Variants in CDH2 observed in about 807,000 individuals in gnomAD.
CDH2 encodes the protein cadherin-2.
In CDH2, 17 loss-of-function variants were observed where a neutral mutation model predicts 92.0. The ratio of observed to expected loss-of-function variants is 0.18; its 90% confidence interval spans 0.13 to 0.28. CDH2 has a LOEUF of 0.28. Ranked by LOEUF, CDH2 falls within the 10% of genes least tolerant of loss-of-function variation. The probability of loss-of-function intolerance (pLI) is 1.00; values close to 1 mark genes in which losing one functional copy is unlikely to be tolerated. For missense variants in CDH2, 862 were observed against 1,133.1 expected (o/e 0.76, Z 3.44); for synonymous variants, 419 against 415.9 (o/e 1.01, Z -0.09).
chr18:28,023,608 C>T (rs1332051773), intron 2 of CDH2, among the ~76,000 whole-genome samples: 1 of 152,060 alleles, frequency 6.6e-6, no homozygotes, highest in Non-Finnish European at 1.5e-5. Flanking sequence ...TACAGACCAA[C>T]TGCACCTGGC....
chr18:28,079,397 G>C (rs965042302), intron 2 of CDH2, among the ~76,000 whole-genome samples: 1 of 152,160 alleles, frequency 6.6e-6, no homozygotes, highest in East Asian at 1.9e-4. Flanking sequence ...GTGGGTCTTA[G>C]TCCTGTCTAT....
chr18:28,066,296 A>G (rs2014505499), intron 2 of CDH2, among the ~76,000 whole-genome samples: 1 of 152,198 alleles, frequency 6.6e-6, no homozygotes, highest in African/African-American at 2.4e-5. Context: ...TAAACTTCAA[A>G]ATGCAAATAT....
intron 2 of CDH2, among the ~76,000 whole-genome samples, chr18:28,035,254 A>G (rs2013798026): frequency 6.6e-6 from 1 of 152,010 alleles, no homozygotes; most frequent in Non-Finnish European, 1.5e-5. Flanking sequence ...TTCCACTCCA[A>G]GTTTTGGTTT....
rs187640460 is a variant in CDH2, at chr18:27,933,081, C to T, written c.*11G>A. On this transcript the variant is annotated 3_prime_UTR_variant, in exon 7 of 7. Transcript: ENST00000675173. ...TGCATTGCTGAGATCATGGTGCCCA[C>T]GAAGCCAAGGTCATAGGTGTAAGCT... Among the ~76,000 whole-genome samples the T allele has an allele frequency of 2.2e-3, 339 of 152,104 alleles. 1 individual carries two copies. The highest frequency in any genetic ancestry group is 7.7e-3 in the African/African-American group (321 of 41,484).
intron 3 of CDH2, among the ~76,000 whole-genome samples, chr18:28,012,458 C>A (rs1189101892): frequency 2.0e-5 from 3 of 152,138 alleles, no homozygotes; most frequent in Non-Finnish European, 2.9e-5. Flanking sequence ...CCTATTATAT[C>A]CCACAGAATT....
At chr18:27,959,751 C>T (rs571144130) in intron 15 of CDH2, among the ~76,000 whole-genome samples, 48 of 152,286 alleles carry the variant, frequency 3.2e-4, no homozygotes, top group Non-Finnish European at 6.0e-4. Context: ...TTCTATTATA[C>T]CTACCTCCTT....
rs2013160687 is a variant in CDH2 at position 28,013,694 on chromosome 18, C to T, written c.388G>A (p.Glu130Lys). ...TTCGGATACTATACCTTCACTGACTCCTCAGTTAAGGTTGGCTTCAGGCTC... is the reference window on the plus strand; with the variant it reads ...TTCGGATACTATACCTTCACTGACTTCTCAGTTAAGGTTGGCTTCAGGCTC... ...KLSLKPTLTE[E>K]SVKESAEVEE... Residue 130 changes from glutamate to lysine, a missense_variant, in exon 3 of 16, where the codon GAG (glutamate) becomes AAG (lysine). Around this residue, in one of 5 missense-constraint regions of CDH2, gnomAD observed 159 missense variants for 177.2 expected, o/e 0.90. Coordinates refer to ENST00000269141, the MANE Select transcript of CDH2 (RefSeq NM_001792.5). 6.2e-7 allele frequency: 1 copy of T among 1,610,572 alleles called. No individual in the cohort carries two copies.
intron 14 of CDH2, among the ~76,000 whole-genome samples, chr18:27,966,679 T>TA (rs2011541598): frequency 6.6e-6 from 1 of 152,224 alleles, no homozygotes; most frequent in African/African-American, 2.4e-5. Context: ...AAGGAAAGGA[T>TA]AGCCTCCTAA....
chr18:28,122,483 A>T (rs535546276), intron 2 of CDH2, among the ~76,000 whole-genome samples: 1 of 152,292 alleles, frequency 6.6e-6, no homozygotes, highest in African/African-American at 2.4e-5. Flanking sequence ...CTATTAGCAA[A>T]GTCAACATAA....
chr18:28,080,381 A>T (rs1322355242), intron 2 of CDH2, among the ~76,000 whole-genome samples: 1 of 152,212 alleles, frequency 6.6e-6, no homozygotes, highest in East Asian at 1.9e-4. Context: ...TTCCACAGAA[A>T]TTATGTTAAA....
intron 6 of CDH2, among the ~76,000 whole-genome samples, chr18:27,943,562 T>A (rs985979966): frequency 3.3e-5 from 5 of 152,300 alleles, no homozygotes; most frequent in African/African-American, 9.6e-5. Flanking sequence ...ATCTTAGAAT[T>A]GTTAAAATGT....
intron 2 of CDH2, among the ~76,000 whole-genome samples, chr18:28,087,613 C>A (rs2014958013): frequency 6.6e-6 from 1 of 152,032 alleles, no homozygotes; most frequent in Non-Finnish European, 1.5e-5. Flanking sequence ...ACCCTTGTCT[C>A]CACACTTCAA....
intron 2 of CDH2, among the ~76,000 whole-genome samples, chr18:28,070,220 T>C (rs2014590002): frequency 2.0e-5 from 3 of 152,170 alleles, no homozygotes; most frequent in South Asian, 2.1e-4. Flanking sequence ...AAAAGTTGCA[T>C]AGAAAGTATA....
At chr18:28,084,656 G>C (rs565650551) in intron 2 of CDH2, among the ~76,000 whole-genome samples, 1 of 151,890 alleles carries the variant, frequency 6.6e-6, no homozygotes, top group South Asian at 2.1e-4. Flanking sequence ...TTATGGGCCA[G>C]CTAAACAACT....
At chr18:28,009,111 A>G (rs1171854230) in intron 5 of CDH2, among the ~76,000 whole-genome samples, 1 of 152,192 alleles carries the variant, frequency 6.6e-6, no homozygotes, top group Non-Finnish European at 1.5e-5. Flanking sequence ...GCCTTTATCA[A>G]CATCTCTGGA....
intron 2 of CDH2, among the ~76,000 whole-genome samples, chr18:28,046,401 T>C (rs1286391523): frequency 1.3e-5 from 2 of 152,196 alleles, no homozygotes; most frequent in Non-Finnish European, 2.9e-5. Flanking sequence ...TTTAAAAATG[T>C]TGATAGTTAT....
chr18:28,011,954 T>C lies in CDH2; in HGVS notation c.438A>G (p.Gln146=). ...AEVEEIVFPR[Q]FSKHSGHLQR... ...GTAGGTGGCCACTGTGCTTACTGAA[T>C]TGTCTTGGGAACACTATTTCTTCAA... is the stretch of plus-strand genomic sequence containing the variant. Residue 146 remains glutamine (Q), a synonymous_variant, in exon 4 of 16, where the codon CAA becomes CAG. Coordinates refer to ENST00000269141, the MANE Select transcript of CDH2 (RefSeq NM_001792.5). 1.2e-6 allele frequency: 2 copies of C among 1,613,984 alleles called. No homozygotes were observed. Among genetic ancestry groups the C allele is most frequent in the Non-Finnish European group, 1.7e-6 (2 of 1,179,902 alleles).
intron 2 of CDH2, among the ~76,000 whole-genome samples, chr18:28,082,451 A>C (rs1301344973): frequency 3.3e-5 from 5 of 152,152 alleles, no homozygotes; most frequent in Non-Finnish European, 7.4e-5. Context: ...GCATGGATAC[A>C]TTCCTTCACT....
Position 28,177,093 on chromosome 18 carries a change from A to G in CDH2, c.-71T>C. ...GCGGCGGCGGCGGCGGAGGAGGAGG[A>G]GGCAGCGGCAGCACCAACAGCGGCG... is the stretch of plus-strand genomic sequence containing the variant. On this transcript the variant is annotated 5_prime_UTR_variant, in exon 1 of 16. Transcript: ENST00000269141. The G allele has an allele frequency of 1.7e-6, 2 of 1,143,480 alleles. No homozygotes were observed. Among genetic ancestry groups the G allele is most frequent in the Non-Finnish European group, 2.4e-6 (2 of 823,262 alleles). The allele number at this position is 1,143,480 out of a possible 1,614,324, so 70.8% of individuals were successfully genotyped here.
Sources: allele counts gnomAD v4.1 joint callset (sites outside exome capture counted in the v4.1 genomes callset), GRCh38; gene constraint gnomAD v4.1.1; regional missense constraint gnomAD v4.1.1; transcripts MANE v1.5; gene names NCBI Gene and HGNC (gene_info 2026-07-23, HGNC 2026-07-21).